Variants in NCAM2 observed in about 807,000 individuals in gnomAD.
NCAM2 encodes neural cell adhesion molecule 2, also known as N-CAM-2.
In NCAM2, 30 loss-of-function variants were observed where a neutral mutation model predicts 98.1. That is an observed-to-expected ratio of 0.31 (90% CI 0.23 to 0.41). The LOEUF (loss-of-function observed/expected upper bound fraction) is 0.41, where lower values mean the gene tolerates loss of function less well. NCAM2 is among the 10% of genes least tolerant of loss of function. The pLI is 1.00. For synonymous variants in NCAM2, 368 were observed against 342.4 expected (o/e 1.07, Z -0.83); for missense variants, 867 against 1,005.8 (o/e 0.86, Z 1.87).
chr21:21,131,121 G>A (rs1468713537), intron 1 of NCAM2, among the ~76,000 whole-genome samples: 1 of 152,184 alleles, frequency 6.6e-6, no homozygotes, highest in Non-Finnish European at 1.5e-5. Flanking sequence ...ATGTCAAGGT[G>A]TGTTAACACT....
At chr21:21,190,917 A>C (rs1308719086) in intron 1 of NCAM2, among the ~76,000 whole-genome samples, 1 of 152,186 alleles carries the variant, frequency 6.6e-6, no homozygotes, top group Non-Finnish European at 1.5e-5. Flanking sequence ...ATTGTTGCTA[A>C]TATTGTTATA....
intron 16 of NCAM2, among the ~76,000 whole-genome samples, chr21:21,523,095 G>C (rs1211136679): frequency 6.6e-6 from 1 of 152,088 alleles, no homozygotes; most frequent in Non-Finnish European, 1.5e-5. Flanking sequence ...TTAATTCCTT[G>C]TTAATTGAAT....
At position 21,483,448 on chromosome 21, in the gene NCAM2, C is replaced by T. The variant is rs139073697; in HGVS notation, c.2077+5977C>T. ...TATTTTCATGGGCTTTTAATTTGTACTTCCAATGAACTATACAGTAAAATT... is the reference window on the plus strand; with the variant it reads ...TATTTTCATGGGCTTTTAATTTGTATTTCCAATGAACTATACAGTAAAATT... On this transcript the variant is annotated intron_variant, in intron 15 of 17. Coordinates refer to ENST00000400546, the MANE Select transcript of NCAM2 (RefSeq NM_004540.5). 1.4e-3 allele frequency among the ~76,000 whole-genome samples: 207 copies of T among 151,898 alleles called. 3 individuals carry two copies. The East Asian group carries it at 0.033, about 24-fold the overall frequency.
At chr21:21,289,021 T>C (rs944511089) in intron 4 of NCAM2, among the ~76,000 whole-genome samples, 3 of 151,910 alleles carry the variant, frequency 2.0e-5, no homozygotes, top group Non-Finnish European at 2.9e-5. Flanking sequence ...ATTATACAAG[T>C]TGAATATCTG....
chr21:21,378,683 A>T lies in NCAM2; in HGVS notation c.1195+4670A>T, dbSNP rs139554054. Among the ~76,000 whole-genome samples, 5 of 152,046 alleles carry T rather than the reference A, an allele frequency of 3.3e-5. No homozygotes were observed. The East Asian group carries it at 9.6e-4, about 29-fold the overall frequency. ...ATGTATATGTGTGCATCAATAATTT[A>T]TACTACTTGTTCCTGTTATTACATC... On this transcript the variant is annotated intron_variant, in intron 9 of 17. Transcript: ENST00000400546.
intron 12 of NCAM2, among the ~76,000 whole-genome samples, chr21:21,440,684 A>G (rs232410): frequency 0.4 from 59,865 of 147,940 alleles, 12,150 homozygotes; most frequent in South Asian, 0.5. Context: ...CTACAACAGC[A>G]ACAACAAAAA....
At chr21:21,217,248 T>C (rs1796313617) in intron 1 of NCAM2, among the ~76,000 whole-genome samples, 1 of 152,100 alleles carries the variant, frequency 6.6e-6, no homozygotes, top group African/African-American at 2.4e-5. Context: ...CAAGCAACAC[T>C]TATGGAAAAT....
intron 16 of NCAM2, among the ~76,000 whole-genome samples, chr21:21,517,773 G>A (rs555477731): frequency 1.2e-4 from 18 of 152,030 alleles, no homozygotes; most frequent in Non-Finnish European, 2.5e-4. Context: ...CAGGAGAATC[G>A]CTTGAACCTG....
Position 21,208,190 on chromosome 21 carries a change from A to G in NCAM2, c.56-72388A>G, listed in dbSNP as rs540129022. Among the ~76,000 whole-genome samples the G allele has an allele frequency of 2.1e-4, 32 of 152,342 alleles. 1 individual carries two copies. The South Asian group carries it at 6.6e-3, about 32-fold the overall frequency. On this transcript the variant is annotated intron_variant, in intron 1 of 17. Transcript: ENST00000400546. ...AGATATATTGAAAATATACCAAGCT[A>G]TAAATACTTCCAAGGTATAAATTAC...
At chr21:21,213,484 CA>C (rs2069743581) in intron 1 of NCAM2, among the ~76,000 whole-genome samples, 1 of 152,068 alleles carries the variant, frequency 6.6e-6, no homozygotes, top group Non-Finnish European at 1.5e-5. Flanking sequence ...CTACATTGCC[CA>C]AATTCTGAGT....
At chr21:21,380,843 G>A (rs1221880555) in intron 9 of NCAM2, among the ~76,000 whole-genome samples, 2 of 152,124 alleles carry the variant, frequency 1.3e-5, no homozygotes, top group Non-Finnish European at 2.9e-5. Context: ...TCTTTGGGAG[G>A]TCGTTATTCT....
At chr21:21,012,763 T>C (rs1280786842) in intron 1 of NCAM2, among the ~76,000 whole-genome samples, 4 of 152,160 alleles carry the variant, frequency 2.6e-5, no homozygotes, top group African/African-American at 9.7e-5. Context: ...TCTATCGGCC[T>C]CATTTTTCTG....
At chr21:21,458,220 C>T (rs1450491704) in intron 12 of NCAM2, among the ~76,000 whole-genome samples, 3 of 152,216 alleles carry the variant, frequency 2.0e-5, no homozygotes, top group East Asian at 1.9e-4. Flanking sequence ...GGCCTGGTCT[C>T]GGGTAGGACA....
intron 1 of NCAM2, chr21:21,210,784 A>C: frequency 2.0e-6 from 1 of 489,200 alleles, no homozygotes; most frequent in East Asian, 9.7e-5. Context: ...ATTTACTAGA[A>C]CTCCCCTAGA....
chr21:21,136,078 C>G (rs577679589), intron 1 of NCAM2, among the ~76,000 whole-genome samples: 1 of 152,274 alleles, frequency 6.6e-6, no homozygotes, highest in South Asian at 2.1e-4. Context: ...GTTTATATAT[C>G]CATCATGGGT....
intron 8 of NCAM2, among the ~76,000 whole-genome samples, chr21:21,372,429 A>G (rs112750932): frequency 3.3e-5 from 5 of 151,888 alleles, no homozygotes; most frequent in African/African-American, 1.2e-4. Context: ...TAATTCAGTG[A>G]TAGAACCTGG....
Position 21,541,037 on chromosome 21 carries a change from T to C in NCAM2, c.*3080T>C, listed in dbSNP as rs1990210278. 1 of 151,746 alleles carries C rather than the reference T, an allele frequency of 6.6e-6. No homozygotes were observed. Among genetic ancestry groups the C allele is most frequent in the African/African-American group, 2.4e-5 (1 of 41,410 alleles). The allele number at this position is 151,746 out of a possible 1,614,324, so 9.4% of individuals were successfully genotyped here. On this transcript the variant is annotated 3_prime_UTR_variant, in exon 18 of 18. Coordinates refer to ENST00000400546, the MANE Select transcript of NCAM2 (RefSeq NM_004540.5). ...TTTAATATTAATAACTATAAAAGCA[T>C]TTTTCAAAGGCTATTTGATCCAGCA...
At chr21:21,323,884 G>T (rs2074441197) in intron 5 of NCAM2, among the ~76,000 whole-genome samples, 1 of 152,148 alleles carries the variant, frequency 6.6e-6, no homozygotes, top group Non-Finnish European at 1.5e-5. Context: ...CTGTTTTGAA[G>T]CAGTGATATA....
intron 1 of NCAM2, among the ~76,000 whole-genome samples, chr21:21,213,871 A>G (rs2069759354): frequency 6.6e-6 from 1 of 152,182 alleles, no homozygotes; most frequent in African/African-American, 2.4e-5. Flanking sequence ...TAGGGGTGAC[A>G]GGAGGATGTT....
Sources: allele counts gnomAD v4.1 joint callset (sites outside exome capture counted in the v4.1 genomes callset), GRCh38; gene constraint gnomAD v4.1.1; transcripts MANE v1.5; gene names NCBI Gene and HGNC (gene_info 2026-07-23, HGNC 2026-07-21).